RNGTT: variants seen among roughly 807,000 people sequenced by gnomAD.
RNGTT encodes RNA guanylyltransferase and 5'-phosphatase.
In RNGTT, 33 loss-of-function variants were observed where a neutral mutation model predicts 79.3. The observed-to-expected ratio is 0.42, with a 90% CI of 0.32 to 0.56. The LOEUF is 0.56. Among genes scored for constraint, RNGTT ranks in the 20% least tolerant of loss-of-function variants. RNGTT has a pLI of 0.17. For missense variants in RNGTT, 497 were observed against 739.1 expected (o/e 0.67, Z 3.80); for synonymous variants, 222 against 235.9 (o/e 0.94, Z 0.54).
intron 11 of RNGTT, among the ~76,000 whole-genome samples, chr6:88,824,013 A>T (rs894699599): frequency 6.6e-6 from 1 of 152,238 alleles, no homozygotes; most frequent in African/African-American, 2.4e-5. Context: ...CAGGAACTAG[A>T]TCATACAGGT....
chr6:88,825,374 A>C (rs1014064605), intron 11 of RNGTT, among the ~76,000 whole-genome samples: 3 of 152,186 alleles, frequency 2.0e-5, no homozygotes, highest in African/African-American at 7.2e-5. Context: ...ACTTTCAAGA[A>C]TATTTGGTGG....
intron 12 of RNGTT, among the ~76,000 whole-genome samples, chr6:88,797,957 A>C (rs1248787146): frequency 6.6e-6 from 1 of 151,226 alleles, no homozygotes; most frequent in Non-Finnish European, 1.5e-5. Flanking sequence ...AAAAAAAAAA[A>C]AAAAGAGGAA....
rs1331992029 is a variant in RNGTT at position 88,889,657 on chromosome 6, T to C, written c.896+838A>G. On this transcript the variant is annotated intron_variant, in intron 8 of 15. Transcript: ENST00000369485. ...TAATTATTTCAACTTGCTAAATGAATACATACATATAGCAAAACTGTAATA... is the reference window on the plus strand; with the variant it reads ...TAATTATTTCAACTTGCTAAATGAACACATACATATAGCAAAACTGTAATA... Among the ~76,000 whole-genome samples the C allele has an allele frequency of 3.9e-5, 6 of 152,148 alleles. No individual in the cohort carries two copies. In the East Asian group the frequency reaches 9.6e-4, roughly 24 times the overall value.
At chr6:88,934,489 TC>T (rs1168250734) in intron 2 of RNGTT, among the ~76,000 whole-genome samples, 1 of 152,220 alleles carries the variant, frequency 6.6e-6, no homozygotes, top group East Asian at 1.9e-4. Flanking sequence ...TCTATTCACA[TC>T]TTTGCCCACT....
Position 88,738,596 on chromosome 6 carries a change from A to G in RNGTT, c.1439+31178T>C, listed in dbSNP as rs112553011. On this transcript the variant is annotated intron_variant, in intron 13 of 15. Coordinates refer to ENST00000369485, the MANE Select transcript of RNGTT (RefSeq NM_003800.5). ...GGCAGGCAGAGGTTGCAGTGAGCCA[A>G]GATGGCACCACTGTACTCCAGCCTG... 1.9e-3 allele frequency among the ~76,000 whole-genome samples: 287 copies of G among 152,310 alleles called. 1 individual carries two copies. The highest frequency in any genetic ancestry group is 6.8e-3 in the African/African-American group (281 of 41,590).
intron 11 of RNGTT, among the ~76,000 whole-genome samples, chr6:88,834,856 C>CATAA (rs5878080): frequency 0.7 from 106,296 of 151,364 alleles, 38,306 homozygotes; most frequent in African/African-American, 0.85. Flanking sequence ...AAATGAAATA[C>CATAA]ATAAACATAA....
chr6:88,754,550 G>C (rs945377322), intron 13 of RNGTT, among the ~76,000 whole-genome samples: 1 of 152,122 alleles, frequency 6.6e-6, no homozygotes, highest in African/African-American at 2.4e-5. Flanking sequence ...AAGGAAAATG[G>C]GAATAAAGTA....
intron 11 of RNGTT, among the ~76,000 whole-genome samples, chr6:88,836,718 T>C (rs902276165): frequency 2.0e-5 from 3 of 152,064 alleles, no homozygotes; most frequent in Admixed American, 6.6e-5. Flanking sequence ...CTCCACTAGG[T>C]GACAGAACAA....
At chr6:88,872,469 C>G (rs1782388587) in intron 8 of RNGTT, among the ~76,000 whole-genome samples, 1 of 152,056 alleles carries the variant, frequency 6.6e-6, no homozygotes, top group African/African-American at 2.4e-5. Flanking sequence ...TTTGATAGCA[C>G]AATAGGGTGA....
At chr6:88,614,965 A>G (rs1772164874) in intron 14 of RNGTT, among the ~76,000 whole-genome samples, 1 of 152,166 alleles carries the variant, frequency 6.6e-6, no homozygotes, top group South Asian at 2.1e-4. Flanking sequence ...TCCATCCCCA[A>G]ACTAGTACAA....
chr6:88,849,882 T>C (rs1045110404), intron 9 of RNGTT, 56 bp from the exon 10 acceptor site: 3 of 1,464,072 alleles, frequency 2.0e-6, no homozygotes, highest in Non-Finnish European at 2.7e-6. Flanking sequence ...TTTTTTTTAA[T>C]TTAATTGAAA....
chr6:88,882,966 A>G (rs1782738049), intron 8 of RNGTT, among the ~76,000 whole-genome samples: 1 of 152,144 alleles, frequency 6.6e-6, no homozygotes, highest in Non-Finnish European at 1.5e-5. Flanking sequence ...TAGCCGCACA[A>G]ATGAACTAAG....
At chr6:88,731,682 G>GA (rs903699963) in intron 13 of RNGTT, among the ~76,000 whole-genome samples, 1 of 151,680 alleles carries the variant, frequency 6.6e-6, no homozygotes, top group Non-Finnish European at 1.5e-5. Flanking sequence ...CCTACAGATG[G>GA]AAAAAAAATT....
chr6:88,805,717 A>G (rs563924213), intron 11 of RNGTT, among the ~76,000 whole-genome samples: 5 of 152,168 alleles, frequency 3.3e-5, no homozygotes, highest in Admixed American at 3.3e-4. Context: ...AAGAAAAACT[A>G]AGAAAACTCC....
At chr6:88,840,934 C>T (rs1046933769) in intron 11 of RNGTT, among the ~76,000 whole-genome samples, 1 of 152,140 alleles carries the variant, frequency 6.6e-6, no homozygotes, top group African/African-American at 2.4e-5. Context: ...TTCTTAAATG[C>T]TGAACTCTGA....
chr6:88,906,227 T>C (rs1164815205), intron 5 of RNGTT, 138 bp downstream of exon 5: 9 of 618,538 alleles, frequency 1.5e-5, no homozygotes, highest in Non-Finnish European at 2.0e-5. Flanking sequence ...AGATTAACCA[T>C]ATCTAAAATG....
chr6:88,743,882 GCAGCCATGC>G (rs1777573606), intron 13 of RNGTT, among the ~76,000 whole-genome samples: 1 of 152,092 alleles, frequency 6.6e-6, no homozygotes, highest in South Asian at 2.1e-4. Context: ...GTTTTCCACA[GCAGCCATGC>G]CAATAGTTTA....
intron 11 of RNGTT, among the ~76,000 whole-genome samples, chr6:88,832,138 C>A (rs1339599397): frequency 6.6e-6 from 1 of 152,142 alleles, no homozygotes; most frequent in African/African-American, 2.4e-5. Flanking sequence ...CCAAGACAAT[C>A]CTAAGCAAAA....
At chr6:88,640,152 C>A (rs2127772722) in intron 14 of RNGTT, among the ~76,000 whole-genome samples, 1 of 152,268 alleles carries the variant, frequency 6.6e-6, no homozygotes, top group East Asian at 1.9e-4. Flanking sequence ...CCACTTGAAT[C>A]CCAGTGCCTA....
Sources: allele counts gnomAD v4.1 joint callset (sites outside exome capture counted in the v4.1 genomes callset), GRCh38; gene constraint gnomAD v4.1.1; transcripts MANE v1.5; gene names NCBI Gene and HGNC (gene_info 2026-07-23, HGNC 2026-07-21).